Variants in KCNT2 observed in about 807,000 individuals in gnomAD.
KCNT2 encodes the protein potassium sodium-activated channel subfamily T member 2.
KCNT2 carries 67 observed loss-of-function variants against 153.8 expected under a neutral mutation model. That is an observed-to-expected ratio of 0.44 (90% confidence interval 0.36 to 0.53). KCNT2 has a LOEUF of 0.53. Among genes scored for constraint, KCNT2 ranks in the 20% least tolerant of loss-of-function variants. The probability of loss-of-function intolerance (pLI) is 0.00; values close to 1 mark genes in which losing one functional copy is unlikely to be tolerated. For synonymous variants in KCNT2, 500 were observed against 458.8 expected, an observed-to-expected ratio of 1.09 and a Z score of -1.15; for missense variants, 975 against 1,354.8, an observed-to-expected ratio of 0.72 and a Z score of 4.40.
At chr1:196,583,438 GT>G (rs1488243551) in intron 1 of KCNT2, among the ~76,000 whole-genome samples, 2 of 152,008 alleles carry the variant, frequency 1.3e-5, no homozygotes, top group Non-Finnish European at 2.9e-5. Flanking sequence ...AGTCTATATA[GT>G]TTTAGAGCTC....
chr1:196,315,360 A>C (rs1033710052), intron 21 of KCNT2, among the ~76,000 whole-genome samples: 1 of 151,694 alleles, frequency 6.6e-6, no homozygotes, highest in African/African-American at 2.4e-5. Context: ...CCCAAAGACA[A>C]CCATAATGGG....
intron 1 of KCNT2, among the ~76,000 whole-genome samples, chr1:196,529,523 T>C (rs1287216407): frequency 6.6e-6 from 1 of 152,140 alleles, no homozygotes; most frequent in East Asian, 1.9e-4. Flanking sequence ...GAAATTTATT[T>C]ACAGCCACAA....
Position 196,544,354 on chromosome 1 carries a change from A to T in KCNT2, c.96-52013T>A, listed in dbSNP as rs1161110866. ...ATGTTTTGAGGCATATATTGGAAAA[A>T]GAAAACCCACCTAAATTGATGGTCT... On this transcript the variant is annotated intron_variant, in intron 1 of 27. Coordinates refer to ENST00000294725, the MANE Select transcript of KCNT2 (RefSeq NM_198503.5). Among the ~76,000 whole-genome samples, 6 of 152,012 alleles carry T rather than the reference A, an allele frequency of 3.9e-5. No individual in the cohort carries two copies. The East Asian group carries it at 9.6e-4, about 24-fold the overall frequency.
intron 8 of KCNT2, among the ~76,000 whole-genome samples, chr1:196,463,752 C>T (rs534919171): frequency 5.9e-5 from 9 of 151,710 alleles, no homozygotes; most frequent in African/African-American, 9.7e-5. Context: ...TGCATCCTTT[C>T]GCATAAGAAA....
chr1:196,604,083 A>G (rs1292982687), intron 1 of KCNT2, among the ~76,000 whole-genome samples: 1 of 152,234 alleles, frequency 6.6e-6, no homozygotes, highest in Non-Finnish European at 1.5e-5. Flanking sequence ...CAGAAGTTGA[A>G]TATTGAATGT....
chr1:196,553,964 G>C (rs1449854994), intron 1 of KCNT2, among the ~76,000 whole-genome samples: 1 of 151,136 alleles, frequency 6.6e-6, no homozygotes, highest in Non-Finnish European at 1.5e-5. Context: ...AAAACCCATA[G>C]GATACAGCAA....
intron 1 of KCNT2, among the ~76,000 whole-genome samples, chr1:196,533,192 A>G (rs1361294468): frequency 6.6e-6 from 1 of 152,100 alleles, no homozygotes; most frequent in Non-Finnish European, 1.5e-5. Context: ...CTTTTAAAGC[A>G]CAGGCTTCCT....
chr1:196,426,040 C>A, intron 10 of KCNT2, 52 bp from the exon 11 acceptor site: 2 of 1,382,994 alleles, frequency 1.4e-6, no homozygotes, highest in Non-Finnish European at 2.0e-6. Context: ...TTTTATGTTA[C>A]ACTACATAGA....
At chr1:196,422,121 A>G (rs941757807) in intron 12 of KCNT2, among the ~76,000 whole-genome samples, 1 of 152,042 alleles carries the variant, frequency 6.6e-6, no homozygotes, top group Non-Finnish European at 1.5e-5. Flanking sequence ...CAAATGAAAG[A>G]TGAGAAAATC....
At chr1:196,244,814 G>T (rs890989331) in intron 26 of KCNT2, among the ~76,000 whole-genome samples, 1 of 152,060 alleles carries the variant, frequency 6.6e-6, no homozygotes, top group African/African-American at 2.4e-5. Flanking sequence ...GGCTGGTTTT[G>T]CCACCTTCTG....
chr1:196,380,528 CT>C (rs938043525), intron 13 of KCNT2, among the ~76,000 whole-genome samples: 4 of 152,130 alleles, frequency 2.6e-5, no homozygotes, highest in Non-Finnish European at 5.9e-5. Context: ...GGTAACAGCT[CT>C]TTGGAAAACA....
intron 1 of KCNT2, among the ~76,000 whole-genome samples, chr1:196,507,523 G>C (rs1168247198): frequency 6.6e-6 from 1 of 152,120 alleles, no homozygotes; most frequent in African/African-American, 2.4e-5. Context: ...GGTGGCGACT[G>C]TATTTGTGGA....
chr1:196,432,656 TC>T (rs1368234111), intron 8 of KCNT2, among the ~76,000 whole-genome samples: 5 of 152,224 alleles, frequency 3.3e-5, no homozygotes, highest in African/African-American at 1.2e-4. Flanking sequence ...AGAATATCTA[TC>T]CCATGCCTGT....
At chr1:196,321,009 T>A (rs1663259460) in intron 19 of KCNT2, among the ~76,000 whole-genome samples, 1 of 151,506 alleles carries the variant, frequency 6.6e-6, no homozygotes, top group Non-Finnish European at 1.5e-5. Flanking sequence ...TTTTTTTTTA[T>A]CATTATCCCA....
At chr1:196,484,667 T>G (rs1679276145) in intron 3 of KCNT2, among the ~76,000 whole-genome samples, 1 of 152,150 alleles carries the variant, frequency 6.6e-6, no homozygotes, top group South Asian at 2.1e-4. Flanking sequence ...GGGTTTTACA[T>G]TTAAGTCTTT....
intron 6 of KCNT2, 26 bp downstream of exon 6, chr1:196,468,968 T>A: frequency 1.4e-6 from 2 of 1,432,770 alleles, no homozygotes; most frequent in Non-Finnish European, 2.0e-6. Context: ...ACAAAAGTGT[T>A]TTTTTAAGGT....
intron 13 of KCNT2, among the ~76,000 whole-genome samples, chr1:196,376,302 T>C (rs1288204091): frequency 6.6e-6 from 1 of 151,894 alleles, no homozygotes. Context: ...AAAGGCAATA[T>C]GTTTCATCTA....
chr1:196,253,437 C>T (rs1656169892), intron 26 of KCNT2, among the ~76,000 whole-genome samples: 2 of 151,368 alleles, frequency 1.3e-5, no homozygotes, highest in African/African-American at 4.8e-5. Context: ...TTATCATGTT[C>T]TTGTTTTCCT....
intron 5 of KCNT2, among the ~76,000 whole-genome samples, chr1:196,478,634 G>T (rs1292043854): frequency 1.3e-5 from 2 of 151,924 alleles, no homozygotes; most frequent in African/African-American, 4.8e-5. Flanking sequence ...AGACCTCACT[G>T]GAATTACCCA....
Sources: allele counts gnomAD v4.1 joint callset (sites outside exome capture counted in the v4.1 genomes callset), GRCh38; gene constraint gnomAD v4.1.1; transcripts MANE v1.5; gene names NCBI Gene and HGNC (gene_info 2026-07-23, HGNC 2026-07-21).